DOCK2: variants seen among roughly 807,000 people sequenced by gnomAD.
The protein encoded by DOCK2 is dedicator of cytokinesis protein 2.
In DOCK2, 87 loss-of-function variants were observed where a neutral mutation model predicts 248.9. That is an observed-to-expected ratio of 0.35 (90% CI 0.29 to 0.42). DOCK2 has a LOEUF of 0.42. Among genes scored for constraint, DOCK2 ranks in the 10% least tolerant of loss-of-function variants. DOCK2 has a pLI of 1.00. For missense variants in DOCK2, 1,747 were observed against 2,300.2 expected (o/e 0.76, Z 4.92); for synonymous variants, 805 against 821.6 (o/e 0.98, Z 0.35).
At chr5:170,007,866 C>G (rs532378363) in intron 30 of DOCK2, among the ~76,000 whole-genome samples, 5 of 152,308 alleles carry the variant, frequency 3.3e-5, no homozygotes, top group Middle Eastern at 6.8e-3. Context: ...GTCCCACCCC[C>G]AGAGGTTCTG....
At chr5:169,710,483 G>A (rs532449168) in intron 15 of DOCK2, among the ~76,000 whole-genome samples, 1 of 152,322 alleles carries the variant, frequency 6.6e-6, no homozygotes, top group Admixed American at 6.5e-5. Context: ...TTCCTTGACA[G>A]AAGTGACATT....
chr5:169,863,926 G>A (rs1267767366), intron 27 of DOCK2, among the ~76,000 whole-genome samples: 1 of 152,166 alleles, frequency 6.6e-6, no homozygotes, highest in Non-Finnish European at 1.5e-5. Flanking sequence ...GGAAGGAAGT[G>A]CTTGGCATCT....
At chr5:169,942,787 A>G (rs1776293241) in intron 27 of DOCK2, among the ~76,000 whole-genome samples, 1 of 152,196 alleles carries the variant, frequency 6.6e-6, no homozygotes, top group Non-Finnish European at 1.5e-5. Context: ...TCAAAGGTTA[A>G]CTGTCAGGAA....
At chr5:169,717,875 A>G (rs889834335) in intron 21 of DOCK2, among the ~76,000 whole-genome samples, 2 of 152,218 alleles carry the variant, frequency 1.3e-5, no homozygotes, top group Non-Finnish European at 2.9e-5. Flanking sequence ...CAGCCTGGCC[A>G]ACATGGTGAA....
At chr5:169,936,073 T>C (rs549901264) in intron 27 of DOCK2, among the ~76,000 whole-genome samples, 1 of 152,258 alleles carries the variant, frequency 6.6e-6, no homozygotes, top group East Asian at 1.9e-4. Context: ...CTAAGTATTT[T>C]TGCCAATAAA....
chr5:169,741,852 C>A (rs1763326212), intron 22 of DOCK2, among the ~76,000 whole-genome samples: 1 of 142,528 alleles, frequency 7.0e-6, no homozygotes. Flanking sequence ...CTCTGTCTCC[C>A]AGGCTGGAGT....
intron 23 of DOCK2, among the ~76,000 whole-genome samples, chr5:169,748,968 A>G (rs115614125): frequency 0.032 from 4,811 of 152,350 alleles, 276 homozygotes; most frequent in African/African-American, 0.11. Context: ...CTAAGGCTAC[A>G]TGCCCACATC....
intron 23 of DOCK2, among the ~76,000 whole-genome samples, chr5:169,748,330 C>T (rs1763721554): frequency 6.6e-6 from 1 of 152,160 alleles, no homozygotes; most frequent in African/African-American, 2.4e-5. Context: ...GTTTGCTTCT[C>T]ATGCTATGGG....
intron 27 of DOCK2, among the ~76,000 whole-genome samples, chr5:169,958,238 A>T (rs62386599): frequency 6.8e-6 from 1 of 147,776 alleles, no homozygotes; most frequent in Non-Finnish European, 1.5e-5. Context: ...CAAAAAAAAA[A>T]GGCACCTACC....
At chr5:169,994,705 A>C (rs1460007546) in intron 29 of DOCK2, among the ~76,000 whole-genome samples, 1 of 152,242 alleles carries the variant, frequency 6.6e-6, no homozygotes, top group Non-Finnish European at 1.5e-5. Context: ...GAAATACCAG[A>C]AACACAGGGT....
chr5:169,756,869 G>A (rs1216172532), intron 23 of DOCK2, among the ~76,000 whole-genome samples: 2 of 151,000 alleles, frequency 1.3e-5, no homozygotes, highest in African/African-American at 2.4e-5. Flanking sequence ...AGTTTGCAGT[G>A]AGCTGAGATC....
chr5:170,053,342 T>C (rs746165851), intron 41 of DOCK2, among the ~76,000 whole-genome samples: 1 of 152,264 alleles, frequency 6.6e-6, no homozygotes, highest in Non-Finnish European at 1.5e-5. Context: ...ATGCAGTCTC[T>C]GTCACAACTA....
intron 27 of DOCK2, among the ~76,000 whole-genome samples, chr5:169,935,345 A>G (rs1026861723): frequency 1.3e-5 from 2 of 151,894 alleles, no homozygotes; most frequent in Non-Finnish European, 2.9e-5. Context: ...ACTGAATCTC[A>G]CTTGCGCCCT....
At chr5:169,666,868 T>G (rs969132147) in intron 2 of DOCK2, among the ~76,000 whole-genome samples, 1 of 152,210 alleles carries the variant, frequency 6.6e-6, no homozygotes, top group African/African-American at 2.4e-5. Flanking sequence ...CCTGGAAGCA[T>G]GTAGCCCAGT....
intron 27 of DOCK2, among the ~76,000 whole-genome samples, chr5:169,938,972 C>T (rs1483539757): frequency 2.0e-5 from 3 of 149,910 alleles, no homozygotes; most frequent in Admixed American, 6.7e-5. Flanking sequence ...GGCGTGATCT[C>T]GGCTCACTGC....
In DOCK2 at chr5:169,689,281, G is replaced by A. The variant is rs1274538546; in HGVS notation, c.791G>A (p.Arg264Gln). 2.2e-5 allele frequency: 36 copies of A among 1,614,048 alleles called. No homozygotes were observed. The highest frequency in any genetic ancestry group is 3.1e-5 in the Non-Finnish European group (36 of 1,179,964). Reference protein sequence around the residue: ...SENYLVRWGSRGFPKEIEMLN... With the variant: ...SENYLVRWGSQGFPKEIEMLN... ...AACTACCTAGTGCGATGGGGCAGCCGGGGCTTCCCTAAGGAGATTGAGATG... is the reference window on the plus strand; with the variant it reads ...AACTACCTAGTGCGATGGGGCAGCCAGGGCTTCCCTAAGGAGATTGAGATG... The change falls in exon 9 of 52, where the codon CGG (arginine) becomes CAG (glutamine). Residue 264 changes from arginine to glutamine, a missense_variant. Physicochemically the swap from Arg to Gln is conservative, Grantham distance 43 (BLOSUM62 1). Coordinates refer to ENST00000520908, the MANE Select transcript of DOCK2 (RefSeq NM_004946.3).
intron 25 of DOCK2, among the ~76,000 whole-genome samples, chr5:169,789,925 T>C (rs2113055918): frequency 6.6e-6 from 1 of 152,352 alleles, no homozygotes; most frequent in East Asian, 1.9e-4. Context: ...TGCTTCCAGT[T>C]CTTCAGTTTA....
chr5:169,882,724 C>T, intron 27 of DOCK2: 1 of 1,551,978 alleles, frequency 6.4e-7, no homozygotes, highest in Non-Finnish European at 8.7e-7. Flanking sequence ...CTCCCTGTTG[C>T]TCTGAAGTTT....
intron 26 of DOCK2, among the ~76,000 whole-genome samples, chr5:169,810,402 A>C (rs981416326): frequency 2.6e-5 from 4 of 152,200 alleles, no homozygotes; most frequent in African/African-American, 9.7e-5. Context: ...AAATTGTATC[A>C]AATTGATTTT....
Sources: gnomAD v4.1 joint callset for allele counts (sites outside exome capture counted in the v4.1 genomes callset) on GRCh38, gnomAD v4.1.1 for gene constraint, MANE v1.5 for transcripts, NCBI Gene and HGNC (gene_info 2026-07-23, HGNC 2026-07-21) for gene names.